The following SOX5 variants were observed in gnomAD, a reference collection of about 807,000 sequenced individuals.
SOX5 encodes the protein transcription factor SOX-5.
SOX5 carries 9 observed loss-of-function variants against 92.0 expected under a neutral mutation model. The observed-to-expected ratio is 0.10, with a 90% CI of 0.06 to 0.17. SOX5 has a LOEUF of 0.17. SOX5 is among the 10% of genes least tolerant of loss of function. The pLI is 1.00. For synonymous variants in SOX5, 344 were observed against 336.3 expected (o/e 1.02, Z -0.25); for missense variants, 642 against 944.5 (o/e 0.68, Z 4.20).
intron 4 of SOX5, among the ~76,000 whole-genome samples, chr12:24,095,146 G>GAT (rs1199908037): frequency 2.7e-5 from 4 of 150,164 alleles, no homozygotes; most frequent in Admixed American, 2.0e-4. Context: ...GAGAGAGAGA[G>GAT]AGAGAGAGAG....
At chr12:24,491,787 G>A (rs1433153459) in intron 1 of SOX5, among the ~76,000 whole-genome samples, 1 of 152,090 alleles carries the variant, frequency 6.6e-6, no homozygotes, top group Non-Finnish European at 1.5e-5. Context: ...TTCTTAGACT[G>A]TTCTTCCTCA....
intron 1 of SOX5, among the ~76,000 whole-genome samples, chr12:24,444,096 C>T (rs896158562): frequency 6.6e-5 from 10 of 152,108 alleles, no homozygotes; most frequent in South Asian, 2.1e-4. Flanking sequence ...AAACACACTT[C>T]GTGAAATGCC....
rs1386651803 is a variant in SOX5 at position 23,727,807 on chromosome 12, TAAAAG to T, written c.810+6872_810+6876del. 4.6e-5 allele frequency among the ~76,000 whole-genome samples: 7 copies of T among 152,196 alleles called. No individual in the cohort carries two copies. The East Asian group carries it at 1.2e-3, about 25-fold the overall frequency. On this transcript the variant is annotated intron_variant, in intron 6 of 14. Coordinates refer to ENST00000451604, the MANE Select transcript of SOX5 (RefSeq NM_006940.6). ...AGATTTTAAAGTGGCTCCTTCTGAGTAAAAGAAGAGTAAAGTATAGAGAACTGAGC... is the reference window on the plus strand; with the variant it reads ...AGATTTTAAAGTGGCTCCTTCTGAGTAAGAGTAAAGTATAGAGAACTGAGC...
chr12:24,228,278 C>A (rs2139895674), intron 3 of SOX5, among the ~76,000 whole-genome samples: 1 of 152,188 alleles, frequency 6.6e-6, no homozygotes, highest in South Asian at 2.1e-4. Context: ...TTAATGGAGG[C>A]TAAAACTGGG....
chr12:23,931,730 A>G (rs1941448068), intron 1 of SOX5, among the ~76,000 whole-genome samples: 1 of 151,762 alleles, frequency 6.6e-6, no homozygotes, highest in African/African-American at 2.4e-5. Flanking sequence ...TGAGGAAATG[A>G]GTTGAATCTG....
rs183363712 is a variant in SOX5, at chr12:24,263,653, G to A, written c.-77+13563C>T. ...AGCACTTTGTTCAAAGATAACCTAA[G>A]CATATCGTTAAAATAAAAAAATAGA... On this transcript the variant is annotated intron_variant, in intron 3 of 4. Coordinates refer to the SOX5 transcript ENST00000446891. Among the ~76,000 whole-genome samples, 593 of 150,896 alleles carry A rather than the reference G, an allele frequency of 3.9e-3. 1 individual carries two copies. The highest frequency in any genetic ancestry group is 0.014 in the African/African-American group (559 of 41,202).
chr12:23,593,469 T>C (rs1347166283), intron 9 of SOX5, among the ~76,000 whole-genome samples: 1 of 152,184 alleles, frequency 6.6e-6, no homozygotes, highest in Non-Finnish European at 1.5e-5. Context: ...AAATAATCTC[T>C]ATTGCTCCTT....
intron 6 of SOX5, among the ~76,000 whole-genome samples, chr12:23,733,164 C>T (rs1362942482): frequency 1.3e-5 from 2 of 152,120 alleles, no homozygotes; most frequent in East Asian, 3.9e-4. Context: ...TAACAAAGGA[C>T]TTATTTCAGT....
chr12:23,633,935 A>T (rs2078883647), intron 8 of SOX5, among the ~76,000 whole-genome samples: 1 of 152,174 alleles, frequency 6.6e-6, no homozygotes. Flanking sequence ...TTTATGCAGC[A>T]ACCCACTGTT....
At chr12:23,639,579 A>T (rs537552272) in intron 8 of SOX5, among the ~76,000 whole-genome samples, 1 of 152,358 alleles carries the variant, frequency 6.6e-6, no homozygotes, top group African/African-American at 2.4e-5. Flanking sequence ...AAAGGGTAAC[A>T]AATGTTATGT....
At chr12:24,321,669 C>A (rs1950223154) in intron 2 of SOX5, among the ~76,000 whole-genome samples, 1 of 152,012 alleles carries the variant, frequency 6.6e-6, no homozygotes, top group Admixed American at 6.6e-5. Context: ...TGCTGGAGTA[C>A]AAGAAAAATT....
At chr12:23,889,213 T>C (rs1305568712) in intron 2 of SOX5, among the ~76,000 whole-genome samples, 2 of 152,180 alleles carry the variant, frequency 1.3e-5, no homozygotes, top group Admixed American at 6.5e-5. Flanking sequence ...AACAACAATA[T>C]GCATTATAGC....
intron 3 of SOX5, among the ~76,000 whole-genome samples, chr12:23,788,297 G>T (rs2095415935): frequency 6.6e-6 from 1 of 152,070 alleles, no homozygotes. Context: ...CTATTGTCCA[G>T]AGCTGTAAGA....
chr12:23,790,141 T>C (rs2095445371), intron 3 of SOX5, among the ~76,000 whole-genome samples: 2 of 152,270 alleles, frequency 1.3e-5, no homozygotes, highest in South Asian at 4.1e-4. Flanking sequence ...TGATAATAAC[T>C]ATAAAACTGA....
chr12:24,134,057 G>T (rs1174441851), intron 4 of SOX5, among the ~76,000 whole-genome samples: 3 of 152,100 alleles, frequency 2.0e-5, no homozygotes, highest in Non-Finnish European at 4.4e-5. Flanking sequence ...ATTCTAAAAT[G>T]ATGAGGTAAT....
chr12:23,644,997 G>A (rs1283312936), intron 7 of SOX5, among the ~76,000 whole-genome samples: 1 of 152,128 alleles, frequency 6.6e-6, no homozygotes, highest in Non-Finnish European at 1.5e-5. Flanking sequence ...TTTCCCTATT[G>A]TAAATTAACC....
At chr12:24,525,955 C>G (rs778375334) in intron 1 of SOX5, among the ~76,000 whole-genome samples, 3 of 152,028 alleles carry the variant, frequency 2.0e-5, no homozygotes, top group Non-Finnish European at 2.9e-5. Context: ...ACTGCAGCCC[C>G]GCACTCCTGG....
intron 1 of SOX5, among the ~76,000 whole-genome samples, chr12:24,429,442 T>C (rs1447526632): frequency 6.6e-6 from 1 of 152,172 alleles, no homozygotes; most frequent in East Asian, 1.9e-4. Flanking sequence ...TTCTTAACAT[T>C]TAGTAAGTGC....
intron 11 of SOX5, among the ~76,000 whole-genome samples, chr12:23,562,284 G>A (rs1460664508): frequency 6.6e-6 from 1 of 152,142 alleles, no homozygotes; most frequent in East Asian, 1.9e-4. Flanking sequence ...CAGGGAAAGA[G>A]CAGTTGTGGC....
Sources: allele counts gnomAD v4.1 joint callset (sites outside exome capture counted in the v4.1 genomes callset), GRCh38; gene constraint gnomAD v4.1.1; transcripts MANE v1.5; gene names NCBI Gene and HGNC (gene_info 2026-07-23, HGNC 2026-07-21).